ATR: variants seen among roughly 807,000 people sequenced by gnomAD.
The protein encoded by ATR is serine/threonine-protein kinase ATR.
Under a neutral mutation model 305.3 loss-of-function variants are expected in ATR, and 142 were observed. The ratio of observed to expected loss-of-function variants is 0.47; its 90% CI spans 0.41 to 0.53. The LOEUF (loss-of-function observed/expected upper bound fraction) is 0.53, where lower values mean the gene tolerates loss of function less well. ATR is among the 20% of genes least tolerant of loss of function. ATR has a pLI of 0.00. For synonymous variants in ATR, 1,050 were observed against 1,068.1 expected, an observed-to-expected ratio of 0.98 and a Z score of 0.33; for missense variants, 2,135 against 3,133.1, an observed-to-expected ratio of 0.68 and a Z score of 7.60.
At chr3:142,453,341 A>G (rs1057369279) in intron 45 of ATR, 108 bp from the exon 46 acceptor site, 23 of 1,315,962 alleles carry the variant, frequency 1.7e-5, no homozygotes, top group Middle Eastern at 2.1e-4. Flanking sequence ...TACTCTTATA[A>G]TACACATTAC....
rs56873611 is a variant in ATR, at chr3:142,553,433, A to AACAC, written c.2634-39_2634-36dup. On this transcript the variant is annotated intron_variant, in intron 12 of 46. Coordinates refer to ENST00000350721, the MANE Select transcript of ATR (RefSeq NM_001184.4). ...AAAACAACATACATATGAATACACAAACACACACACACACACACACACACA... is the reference window on the plus strand; with the variant it reads ...AAAACAACATACATATGAATACACAAACACACACACACACACACACACACACACA... 7.1e-3 allele frequency: 9,916 copies of AACAC among 1,401,048 alleles called. 22 individuals carry two copies. The highest frequency in any genetic ancestry group is 0.028 in the Admixed American group (1,618 of 57,504). 86.8% of individuals were successfully genotyped at this position (1,401,048 alleles called of 1,614,324 possible). A position where few individuals can be genotyped will look rare whatever the true frequency, so the allele number is the denominator to read the frequency against.
rs777561833 is a variant in ATR, at chr3:142,513,517, T to G, written c.4625A>C (p.Gln1542Pro). 2 of 1,613,598 alleles carry G rather than the reference T, an allele frequency of 1.2e-6. No individual in the cohort carries two copies. The highest frequency in any genetic ancestry group is 2.2e-5 in the South Asian group (2 of 91,066). Residue 1542 changes from glutamine (Q) to proline (P), a missense_variant, in exon 26 of 47, where the codon CAA becomes CCA. Coordinates refer to ENST00000350721, the MANE Select transcript of ATR (RefSeq NM_001184.4). Reference protein sequence around the residue: ...ILVYVLLGCNQEDQQEVYAEI... With the variant: ...ILVYVLLGCNPEDQQEVYAEI... ...TTATCTCACCTCCTGCTGATCTTCTTGATTACAACCCAGTAAGACATACAC... is the reference window on the plus strand; with the variant it reads ...TTATCTCACCTCCTGCTGATCTTCTGGATTACAACCCAGTAAGACATACAC...
Position 142,542,695 on chromosome 3 carries a change from G to A in ATR, c.3420C>T (p.Ser1140=). The change falls in exon 17 of 47, where the codon AGC becomes AGT. Residue 1140 remains serine, a synonymous_variant. Transcript: ENST00000350721. ...TCTTATCTTCAATGCCAACACTAGA[G>A]CTCAGTAACTGCATGTTAAAAAAAG... ...ILAFFNMQLL[S]SSVGIEDKKM... The A allele has an allele frequency of 3.1e-6, 5 of 1,613,252 alleles. No homozygotes were observed. The highest frequency in any genetic ancestry group is 4.2e-6 in the Non-Finnish European group (5 of 1,179,566).
chr3:142,552,412 G>A (rs1282349727), intron 13 of ATR, among the ~76,000 whole-genome samples: 1 of 152,194 alleles, frequency 6.6e-6, no homozygotes, highest in Non-Finnish European at 1.5e-5. Context: ...GCTCATGCCT[G>A]TAATCCTAGC....
intron 36 of ATR, among the ~76,000 whole-genome samples, chr3:142,478,167 T>G (rs1184171142): frequency 6.6e-6 from 1 of 152,212 alleles, no homozygotes; most frequent in Non-Finnish European, 1.5e-5. Context: ...TTCTAGTTCT[T>G]TTAATTGTGA....
intron 2 of ATR, 82 bp from the exon 3 acceptor site, chr3:142,566,343 G>T: frequency 6.7e-7 from 1 of 1,484,562 alleles, no homozygotes; most frequent in Non-Finnish European, 9.3e-7. Flanking sequence ...TGTGGGCCAG[G>T]CAAGGTGCCT....
chr3:142,499,134 G>A (rs1480518630), intron 31 of ATR: 1 of 374,902 alleles, frequency 2.7e-6, no homozygotes. Context: ...TCCCACCTTG[G>A]CCTCCCAAAA....
chr3:142,466,090 C>T (rs2071123818), intron 40 of ATR, among the ~76,000 whole-genome samples: 1 of 151,536 alleles, frequency 6.6e-6, no homozygotes, highest in African/African-American at 2.4e-5. Context: ...ACAACAGGAG[C>T]ATTTGAAAAA....
intron 2 of ATR, among the ~76,000 whole-genome samples, chr3:142,567,388 A>T (rs2035109927): frequency 6.6e-6 from 1 of 152,242 alleles, no homozygotes; most frequent in Non-Finnish European, 1.5e-5. Flanking sequence ...GTAAGTATTC[A>T]GTAGTCCTTT....
intron 2 of ATR, among the ~76,000 whole-genome samples, chr3:142,567,849 TAACA>T (rs1246323890): frequency 2.0e-5 from 3 of 152,276 alleles, no homozygotes; most frequent in East Asian, 1.9e-4. Flanking sequence ...AAAATCTAGA[TAACA>T]AACAGGAAAA....
intron 28 of ATR, among the ~76,000 whole-genome samples, chr3:142,506,260 C>A (rs955401341): frequency 3.3e-5 from 5 of 152,146 alleles, no homozygotes; most frequent in African/African-American, 1.2e-4. Context: ...CAGAGCATGT[C>A]TATATGCTCC....
In ATR at chr3:142,521,324, G is replaced by A. The variant is rs529976904; in HGVS notation, c.4266+1404C>T. ...CTCATTGACAATGTACCTGTCACCT[G>A]GGAGCTCTGATGGAGCTATACAAGG... On this transcript the variant is annotated intron_variant, in intron 23 of 46. Coordinates refer to ENST00000350721, the MANE Select transcript of ATR (RefSeq NM_001184.4). Among the ~76,000 whole-genome samples the A allele has an allele frequency of 6.5e-4, 99 of 152,074 alleles. 1 individual carries two copies. Among genetic ancestry groups the A allele is most frequent in the Non-Finnish European group, 1.1e-3 (77 of 68,010 alleles).
At position 142,493,307 on chromosome 3, in the gene ATR, T is replaced by C. The variant is rs2031401180; in HGVS notation, c.5903A>G (p.Asp1968Gly). 4 of 1,611,738 alleles carry C rather than the reference T, an allele frequency of 2.5e-6. No homozygotes were observed. Among genetic ancestry groups the C allele is most frequent in the Non-Finnish European group, 3.4e-6 (4 of 1,178,956 alleles). The change falls in exon 35 of 47, where the codon GAT (aspartate) becomes GGT (glycine). Residue 1968 changes from aspartate to glycine, a missense_variant. Physicochemically the swap from Asp to Gly is moderately conservative, Grantham distance 94. Transcript: ENST00000350721. Reference protein sequence around the residue: ...ERAKWLWSKGDVHQALIVLQK... With the variant: ...ERAKWLWSKGGVHQALIVLQK... Reference sequence around the variant, plus strand: ...AAGAACAATTAGTGCCTGGTGAACATCACCCTAAAAGAAAAAAGGCAACAA... The same window carrying C: ...AAGAACAATTAGTGCCTGGTGAACACCACCCTAAAAGAAAAAAGGCAACAA...
chr3:142,572,515 G>C (rs1219456232), intron 1 of ATR, among the ~76,000 whole-genome samples: 1 of 150,604 alleles, frequency 6.6e-6, no homozygotes, highest in Admixed American at 6.7e-5. Flanking sequence ...GCTCATGCCT[G>C]TAATCCCAGT....
At chr3:142,478,644 T>G (rs2030118777) in intron 36 of ATR, among the ~76,000 whole-genome samples, 1 of 152,224 alleles carries the variant, frequency 6.6e-6, no homozygotes. Flanking sequence ...CTGGATATTC[T>G]TGTTAACCTT....
chr3:142,571,745 T>C (rs1184021659), intron 1 of ATR, among the ~76,000 whole-genome samples: 3 of 152,178 alleles, frequency 2.0e-5, no homozygotes, highest in African/African-American at 7.2e-5. Context: ...TCTCAAATAG[T>C]GGTAAAAGAA....
rs34213965 is a variant in ATR, at chr3:142,549,435, C to T, written c.3171+44G>A. ...AGAATGTTACATCTTTCCTATAATG[C>T]TAATTTATATAAAAAAGTAAAATAT... On this transcript the variant is annotated intron_variant, in intron 15 of 46. Transcript: ENST00000350721. 24,712 of 1,312,594 alleles carry T rather than the reference C, an allele frequency of 0.019. 314 individuals carry two copies. The highest frequency in any genetic ancestry group is 0.039 in the South Asian group (2,510 of 64,320). The allele number at this position is 1,312,594 out of a possible 1,614,324, so 81.3% of individuals were successfully genotyped here. A position where few individuals can be genotyped will look rare whatever the true frequency, so the allele number is the denominator to read the frequency against.
rs369269402 is a variant in ATR, at chr3:142,512,211, G to A, written c.4852+49C>T. The A allele has an allele frequency of 3.3e-5, 47 of 1,430,908 alleles. No homozygotes were observed. The African/African-American group carries it at 5.3e-4, about 16-fold the overall frequency. The allele number at this position is 1,430,908 out of a possible 1,614,324, so 88.6% of individuals were successfully genotyped here. On this transcript the variant is annotated intron_variant, in intron 27 of 46. Coordinates refer to ENST00000350721, the MANE Select transcript of ATR (RefSeq NM_001184.4). ...AACTGATAAAGGGAAGAGCTAATTG[G>A]TGAATAGCTAAAAAAAAAAAAAAAA...
chr3:142,464,655 C>G (rs959549520), intron 41 of ATR, among the ~76,000 whole-genome samples: 2 of 152,026 alleles, frequency 1.3e-5, no homozygotes, highest in African/African-American at 4.8e-5. Context: ...ATATGAGGTA[C>G]CTCAAATGGT....
Sources: allele counts gnomAD v4.1 joint callset (sites outside exome capture counted in the v4.1 genomes callset), GRCh38; gene constraint gnomAD v4.1.1; transcripts MANE v1.5; gene names NCBI Gene and HGNC (gene_info 2026-07-23, HGNC 2026-07-21).